OLFM3: variants seen among roughly 807,000 people sequenced by gnomAD.
OLFM3 encodes the protein noelin-3.
A neutral mutation model predicts 48.6 loss-of-function variants in OLFM3; 20 were observed. That is an observed-to-expected ratio of 0.41 (90% CI 0.29 to 0.60). OLFM3 has a LOEUF of 0.60. Among genes scored for constraint, OLFM3 ranks in the 20% least tolerant of loss-of-function variants. The pLI, the probability that OLFM3 is intolerant of heterozygous loss-of-function variation, is 0.28. For synonymous variants in OLFM3, 222 were observed against 198.1 expected (o/e 1.12, Z -1.01); for missense variants, 437 against 544.3 (o/e 0.80, Z 1.96).
intron 1 of OLFM3, chr1:101,893,735 T>C (rs906261871): frequency 1.3e-5 from 2 of 154,122 alleles, no homozygotes; most frequent in African/African-American, 4.8e-5. Flanking sequence ...CCATCAAGCA[T>C]GTGTTAAATG....
intron 1 of OLFM3, among the ~76,000 whole-genome samples, chr1:101,935,720 T>A (rs1489719164): frequency 6.6e-6 from 1 of 152,034 alleles, no homozygotes; most frequent in Non-Finnish European, 1.5e-5. Context: ...GATGCAAAAT[T>A]TCTCAACAAA....
chr1:101,939,096 A>C (rs1659709982), intron 1 of OLFM3, among the ~76,000 whole-genome samples: 1 of 152,208 alleles, frequency 6.6e-6, no homozygotes, highest in South Asian at 2.1e-4. Flanking sequence ...CATAAAAAAC[A>C]TTCATTAGAA....
At chr1:101,941,693 G>T (rs1252328213) in intron 1 of OLFM3, among the ~76,000 whole-genome samples, 5 of 152,086 alleles carry the variant, frequency 3.3e-5, no homozygotes, top group Non-Finnish European at 7.4e-5. Context: ...ATAATCAGAG[G>T]TTGCTTACAT....
intron 1 of OLFM3, among the ~76,000 whole-genome samples, chr1:101,868,291 G>A (rs1439642095): frequency 6.6e-6 from 1 of 152,192 alleles, no homozygotes; most frequent in Non-Finnish European, 1.5e-5. Flanking sequence ...GAGAAGTTTG[G>A]AACTTTCCAG....
At chr1:101,973,928 C>A (rs1171412622) in intron 1 of OLFM3, among the ~76,000 whole-genome samples, 1 of 151,652 alleles carries the variant, frequency 6.6e-6, no homozygotes, top group Non-Finnish European at 1.5e-5. Context: ...CACTGTTTTC[C>A]CAAGGATTTT....
At chr1:101,863,466 A>G (rs1005522186) in intron 1 of OLFM3, among the ~76,000 whole-genome samples, 1 of 152,124 alleles carries the variant, frequency 6.6e-6, no homozygotes, top group Non-Finnish European at 1.5e-5. Context: ...CAGATTTTTG[A>G]CCATTTCTCT....
chr1:101,946,138 A>G (rs1316650608), intron 1 of OLFM3, among the ~76,000 whole-genome samples: 1 of 152,214 alleles, frequency 6.6e-6, no homozygotes, highest in East Asian at 1.9e-4. Context: ...CAGATCACTG[A>G]GAAATACTGC....
At chr1:101,908,826 G>A (rs748289022) in intron 1 of OLFM3, among the ~76,000 whole-genome samples, 3 of 152,142 alleles carry the variant, frequency 2.0e-5, no homozygotes, top group East Asian at 1.9e-4. Flanking sequence ...GCCACAAGCC[G>A]AGGAATGCCT....
Position 101,836,895 on chromosome 1 carries a change from C to A in OLFM3, c.200G>T (p.Arg67Leu), listed in dbSNP as rs748816968. The A allele has an allele frequency of 3.7e-6, 6 of 1,614,028 alleles. No individual in the cohort carries two copies. Among genetic ancestry groups the A allele is most frequent in the South Asian group, 1.1e-5 (1 of 91,076 alleles). The stretch of plus-strand genomic sequence containing the variant: ...GACACCTACCTTTTCCAGTAGTTGG[C>A]GAAGTTGCCTGCTTTTGGCATCCCG... ...CSRDAKSRQL[R>L]QLLEKVQNMS... is the part of the protein sequence containing the mutation. Residue 67 changes from arginine to leucine, a missense_variant, in exon 2 of 6, where the codon CGC becomes CTC. Arg to Leu is a moderately radical substitution (Grantham distance 102). Coordinates refer to ENST00000370103, the MANE Select transcript of OLFM3 (RefSeq NM_058170.4).
At chr1:101,861,530 A>C (rs1363350273) in intron 1 of OLFM3, among the ~76,000 whole-genome samples, 1 of 152,242 alleles carries the variant, frequency 6.6e-6, no homozygotes, top group Non-Finnish European at 1.5e-5. Flanking sequence ...GGAAAGCCTG[A>C]ATAGTTGCTG....
At chr1:101,884,317 C>T (rs144787980) in intron 1 of OLFM3, among the ~76,000 whole-genome samples, 1 of 151,940 alleles carries the variant, frequency 6.6e-6, no homozygotes, top group Non-Finnish European at 1.5e-5. Flanking sequence ...TTAATGTTTT[C>T]CCAAAGAGAT....
chr1:101,915,065 G>A (rs755647035), intron 1 of OLFM3, among the ~76,000 whole-genome samples: 31 of 151,880 alleles, frequency 2.0e-4, no homozygotes, highest in Non-Finnish European at 3.4e-4. Flanking sequence ...AAATTATATC[G>A]GTACCAACAC....
chr1:101,811,008 A>G (rs944768098), intron 4 of OLFM3, among the ~76,000 whole-genome samples: 1 of 151,854 alleles, frequency 6.6e-6, no homozygotes, highest in South Asian at 2.1e-4. Flanking sequence ...CACTAGTTAA[A>G]GGAGAAAATG....
At chr1:101,991,387 A>C (rs2101122410) in intron 1 of OLFM3, among the ~76,000 whole-genome samples, 1 of 152,238 alleles carries the variant, frequency 6.6e-6, no homozygotes, top group East Asian at 1.9e-4. Context: ...ATTAATACTT[A>C]AGTAAATCAG....
intron 1 of OLFM3, among the ~76,000 whole-genome samples, chr1:101,941,834 C>T (rs1297231365): frequency 6.6e-6 from 1 of 152,156 alleles, no homozygotes; most frequent in Non-Finnish European, 1.5e-5. Flanking sequence ...TGTGTAGTAA[C>T]TCCAGGCTGT....
intron 1 of OLFM3, among the ~76,000 whole-genome samples, chr1:101,922,655 G>T (rs141202305): frequency 2.4e-4 from 36 of 152,116 alleles, no homozygotes; most frequent in African/African-American, 8.5e-4. Context: ...TTGTATTTGT[G>T]TTCTCTGAAG....
intron 1 of OLFM3, among the ~76,000 whole-genome samples, chr1:101,950,989 A>G (rs928164335): frequency 2.4e-4 from 36 of 152,228 alleles, no homozygotes; most frequent in African/African-American, 8.2e-4. Flanking sequence ...AAAAAGAAAG[A>G]AAATCTAACT....
intron 1 of OLFM3, among the ~76,000 whole-genome samples, chr1:101,986,169 G>A (rs1166142580): frequency 6.6e-6 from 1 of 152,030 alleles, no homozygotes; most frequent in African/African-American, 2.4e-5. Flanking sequence ...GTTTCACAGT[G>A]TTAGCCAGGA....
At chr1:101,975,625 C>T (rs1660933030) in intron 1 of OLFM3, among the ~76,000 whole-genome samples, 1 of 152,120 alleles carries the variant, frequency 6.6e-6, no homozygotes, top group Non-Finnish European at 1.5e-5. Context: ...TTTGAAACTA[C>T]AAGTGACCAC....
Sources: gnomAD v4.1 joint callset for allele counts (sites outside exome capture counted in the v4.1 genomes callset) on GRCh38, gnomAD v4.1.1 for gene constraint, MANE v1.5 for transcripts, NCBI Gene and HGNC (gene_info 2026-07-23, HGNC 2026-07-21) for gene names.